Variants in FBXW7 observed in about 807,000 individuals in gnomAD.
FBXW7 encodes the protein F-box/WD repeat-containing protein 7.
Under a neutral mutation model 86.3 loss-of-function variants are expected in FBXW7, and 11 were observed. The observed-to-expected ratio is 0.13, with a 90% CI of 0.08 to 0.21. FBXW7 has a LOEUF of 0.21. Among genes scored for constraint, FBXW7 ranks in the 10% least tolerant of loss-of-function variants. The pLI, the probability that FBXW7 is intolerant of heterozygous loss-of-function variation, is 1.00. For missense variants in FBXW7, 488 were observed against 847.4 expected, an observed-to-expected ratio of 0.58 and a Z score of 5.27; for synonymous variants, 313 against 297.9, an observed-to-expected ratio of 1.05 and a Z score of -0.52.
intron 2 of FBXW7, among the ~76,000 whole-genome samples, chr4:152,471,557 GA>G (rs1743972992): frequency 6.6e-6 from 1 of 150,838 alleles, no homozygotes; most frequent in African/African-American, 2.4e-5. Flanking sequence ...GAAGGAGAGA[GA>G]AAGGAAGAGA....
At chr4:152,510,513 T>TA (rs1191860298) in intron 2 of FBXW7, among the ~76,000 whole-genome samples, 2 of 151,976 alleles carry the variant, frequency 1.3e-5, no homozygotes, top group Non-Finnish European at 2.9e-5. Flanking sequence ...TCAGAACAAG[T>TA]AAAAAAGGGA....
At chr4:152,535,068 G>A (rs1750391568) in intron 1 of FBXW7, 35 bp from the exon 2 acceptor site, 1 of 152,684 alleles carries the variant, frequency 6.5e-6, no homozygotes, top group South Asian at 2.1e-4. Flanking sequence ...CGCTAAACCA[G>A]GCGGCAACCC....
chr4:152,422,698 A>C (rs192559563), intron 2 of FBXW7, among the ~76,000 whole-genome samples: 79 of 152,342 alleles, frequency 5.2e-4, no homozygotes, highest in African/African-American at 1.4e-3. Flanking sequence ...TGTGACCACC[A>C]CACAGCAATT....
chr4:152,328,668 A>C (rs975309512), intron 10 of FBXW7: 7 of 221,318 alleles, frequency 3.2e-5, no homozygotes, highest in Non-Finnish European at 4.4e-5. Context: ...CACGACATGA[A>C]AGCAGTTATG....
At chr4:152,466,121 T>TG (rs1456924234) in intron 2 of FBXW7, among the ~76,000 whole-genome samples, 3 of 152,164 alleles carry the variant, frequency 2.0e-5, no homozygotes, top group Non-Finnish European at 4.4e-5. Flanking sequence ...TGAAGACAAG[T>TG]GACATTCCAC....
chr4:152,511,596 T>C (rs1464039615), intron 2 of FBXW7, among the ~76,000 whole-genome samples: 1 of 152,146 alleles, frequency 6.6e-6, no homozygotes, highest in African/African-American at 2.4e-5. Context: ...GTATTATCTG[T>C]AATAGTGGAC....
chr4:152,392,815 G>T (rs1560842042), intron 4 of FBXW7, among the ~76,000 whole-genome samples: 2 of 152,138 alleles, frequency 1.3e-5, no homozygotes, highest in Non-Finnish European at 2.9e-5. Flanking sequence ...TCATCTTGAG[G>T]ATGGCAAAAT....
chr4:152,335,276 A>G (rs1486550339), intron 7 of FBXW7, among the ~76,000 whole-genome samples: 3 of 152,064 alleles, frequency 2.0e-5, no homozygotes, highest in African/African-American at 7.2e-5. Flanking sequence ...ACTCTCATAA[A>G]AGGGACATCC....
intron 6 of FBXW7, among the ~76,000 whole-genome samples, chr4:152,346,512 C>CAT (rs1182923467): frequency 6.6e-6 from 1 of 152,160 alleles, no homozygotes; most frequent in African/African-American, 2.4e-5. Flanking sequence ...TTTTTAATAG[C>CAT]ATTTTTAAAT....
At chr4:152,382,692 A>T (rs761556381) in intron 4 of FBXW7, among the ~76,000 whole-genome samples, 4 of 152,118 alleles carry the variant, frequency 2.6e-5, no homozygotes, top group Non-Finnish European at 5.9e-5. Flanking sequence ...CAACTAACTA[A>T]TCTAAGAGTG....
chr4:152,373,362 T>C (rs1416571335), intron 4 of FBXW7, among the ~76,000 whole-genome samples: 1 of 152,050 alleles, frequency 6.6e-6, no homozygotes, highest in African/African-American at 2.4e-5. Flanking sequence ...TTTACTGTCA[T>C]CAAAATATTA....
intron 2 of FBXW7, among the ~76,000 whole-genome samples, chr4:152,511,772 G>A (rs1725337578): frequency 6.6e-6 from 1 of 152,066 alleles, no homozygotes; most frequent in African/African-American, 2.4e-5. Context: ...AACAAAGTAT[G>A]TATACTACGC....
chr4:152,510,726 T>G (rs1434686472), intron 2 of FBXW7, among the ~76,000 whole-genome samples: 1 of 152,202 alleles, frequency 6.6e-6, no homozygotes. Flanking sequence ...AATGAAACTT[T>G]CATGAGTTCA....
At chr4:152,513,360 G>T (rs1341651958) in intron 2 of FBXW7, among the ~76,000 whole-genome samples, 1 of 152,160 alleles carries the variant, frequency 6.6e-6, no homozygotes, top group Non-Finnish European at 1.5e-5. Flanking sequence ...AGCCATTGAA[G>T]TTTCTATTGT....
intron 7 of FBXW7, among the ~76,000 whole-genome samples, chr4:152,336,594 T>C (rs923134203): frequency 6.6e-6 from 1 of 152,090 alleles, no homozygotes; most frequent in East Asian, 1.9e-4. Context: ...AATGCCCTTC[T>C]GGAAGCAAAG....
At chr4:152,360,892 T>C (rs1211738117) in intron 4 of FBXW7, among the ~76,000 whole-genome samples, 1 of 150,072 alleles carries the variant, frequency 6.7e-6, no homozygotes, top group Non-Finnish European at 1.5e-5. Context: ...GGCTGGCAGA[T>C]ACAGAAAGTC....
At chr4:152,481,670 G>A (rs1431871231) in intron 2 of FBXW7, among the ~76,000 whole-genome samples, 1 of 152,144 alleles carries the variant, frequency 6.6e-6, no homozygotes, top group Admixed American at 6.6e-5. Flanking sequence ...CAGAACTCTG[G>A]AAGAAGTTGA....
Position 152,328,570 on chromosome 4 carries a change from T to G in FBXW7, c.1237-181A>C, listed in dbSNP as rs1412669271. ...TTATTGTTTTGTTTATTCAAAAGCATTATAAATTTATATAAGCACAAGCAA... is the reference window on the plus strand; with the variant it reads ...TTATTGTTTTGTTTATTCAAAAGCAGTATAAATTTATATAAGCACAAGCAA... On this transcript the variant is annotated intron_variant, in intron 10 of 13. Transcript: ENST00000281708. The G allele has an allele frequency of 3.4e-5, 15 of 438,564 alleles. No homozygotes were observed. The East Asian group carries it at 4.4e-4, about 13-fold the overall frequency. 27.2% of individuals were successfully genotyped at this position (438,564 alleles called of 1,614,324 possible). A position where few individuals can be genotyped will look rare whatever the true frequency, so the allele number is the denominator to read the frequency against.
intron 2 of FBXW7, among the ~76,000 whole-genome samples, chr4:152,420,237 G>A (rs948067158): frequency 6.6e-6 from 1 of 152,090 alleles, no homozygotes; most frequent in African/African-American, 2.4e-5. Flanking sequence ...TCAATAAAAA[G>A]CAACACCTCA....
Sources: gnomAD v4.1 joint callset for allele counts (sites outside exome capture counted in the v4.1 genomes callset) on GRCh38, gnomAD v4.1.1 for gene constraint, MANE v1.5 for transcripts, NCBI Gene and HGNC (gene_info 2026-07-23, HGNC 2026-07-21) for gene names.